The following P2RX5 variants were observed in gnomAD, a reference collection of about 807,000 sequenced individuals.
P2RX5 encodes purinergic receptor P2X 5.
A neutral mutation model predicts 54.1 loss-of-function variants in P2RX5; 46 were observed. The observed-to-expected ratio is 0.85, with a 90% CI of 0.67 to 1.09. The LOEUF (loss-of-function observed/expected upper bound fraction) is 1.09. Among genes scored for constraint, P2RX5 ranks in the 50% least tolerant of loss-of-function variants. The pLI is 0.00. For synonymous variants in P2RX5, 226 were observed against 226.4 expected, an observed-to-expected ratio of 1.00 and a Z score of 0.02; for missense variants, 566 against 549.8, an observed-to-expected ratio of 1.03 and a Z score of -0.29.
Position 3,688,042 on chromosome 17 carries a change from C to G in P2RX5, c.951G>C (p.Gly317=), listed in dbSNP as rs760969097. The G allele has an allele frequency of 1.2e-6, 2 of 1,602,678 alleles. No homozygotes were observed. Among genetic ancestry groups the G allele is most frequent in the Non-Finnish European group, 1.7e-6 (2 of 1,174,916 alleles). The stretch of plus-strand genomic sequence containing the variant: ...CGTTCACCATCACGTCAAAGCGGAT[C>G]CCGTAGGCTTTCATCAGGGTGCGGA... ...VEFRTLMKAY[G]IRFDVMVNGK... Residue 317 remains glycine, a synonymous_variant, in exon 9 of 12, where the codon GGG becomes GGC. Transcript: ENST00000225328.
the P2RX5 span, chr17:3,716,553 A>G: frequency 1.5e-6 from 1 of 653,570 alleles, no homozygotes; most frequent in Non-Finnish European, 2.8e-6. Flanking sequence ...GGGGGTGTGC[A>G]GTTGAAGGAG....
chr17:3,679,486 A>C, intron 11 of P2RX5, 104 bp downstream of exon 11: 1 of 1,018,148 alleles, frequency 9.8e-7, no homozygotes, highest in African/African-American at 1.6e-5. Context: ...AGCTCACACC[A>C]GAGCAGAGGG....
the P2RX5 span, among the ~76,000 whole-genome samples, chr17:3,706,201 C>T: frequency 6.6e-6 from 1 of 152,078 alleles, no homozygotes; most frequent in Non-Finnish European, 1.5e-5. Context: ...GATCTGCCTG[C>T]CTCAGCCTCC....
Position 3,688,727 on chromosome 17 carries a change from G to T in P2RX5, c.786C>A (p.Asn262Lys). The change falls in exon 8 of 12, where the codon AAC becomes AAA. Residue 262 changes from asparagine (N) to lysine (K), a missense_variant. Physicochemically the swap from Asn to Lys is moderately conservative, Grantham distance 94. Coordinates refer to ENST00000225328, the MANE Select transcript of P2RX5 (RefSeq NM_002561.4). ...CAGAGGCAGCTTTATCAAGATCACA[G>T]TTCCATTCAATATTAATTCCTATCA... Reference protein sequence around the residue: ...GGVIGINIEWNCDLDKAASEC... With the variant: ...GGVIGINIEWKCDLDKAASEC... 1 of 1,613,918 alleles carries T rather than the reference G, an allele frequency of 6.2e-7. No individual in the cohort carries two copies. Among genetic ancestry groups the T allele is most frequent in the Non-Finnish European group, 8.5e-7 (1 of 1,179,820 alleles).
chr17:3,684,466 T>C (rs917930473), intron 9 of P2RX5, among the ~76,000 whole-genome samples: 1 of 151,926 alleles, frequency 6.6e-6, no homozygotes, highest in Non-Finnish European at 1.5e-5. Flanking sequence ...TAGCCACAGG[T>C]GGTGGTGCAC....
the P2RX5 span, among the ~76,000 whole-genome samples, chr17:3,702,081 G>A: frequency 6.6e-6 from 1 of 152,102 alleles, no homozygotes; most frequent in Admixed American, 6.6e-5. Context: ...TTCCTGGGTC[G>A]AGTGAAGACT....
At chr17:3,680,147 G>C (rs1433969949) in intron 10 of P2RX5, among the ~76,000 whole-genome samples, 1 of 57,042 alleles carries the variant, frequency 1.8e-5, no homozygotes, top group Non-Finnish European at 3.3e-5. Context: ...TCCACCCTGA[G>C]TCCTCCATCC....
At chr17:3,699,094 C>CACACA (rs57191097), upstream of P2RX5, among the ~76,000 whole-genome samples, 292 of 106,980 alleles carry the variant, frequency 2.7e-3, 1 homozygote, top group South Asian at 7.3e-3. Context: ...CACACACACA[C>CACACA]CTATATATAT....
intron 9 of P2RX5, among the ~76,000 whole-genome samples, chr17:3,684,684 C>T (rs1427679371): frequency 6.6e-6 from 1 of 152,140 alleles, no homozygotes; most frequent in African/African-American, 2.4e-5. Context: ...CAAACAAAAA[C>T]CTCCTACGAC....
rs2050294971 is a variant in P2RX5 at position 3,681,903 on chromosome 17, C to T, written c.1057G>A (p.Glu353Lys). Residue 353 changes from glutamate to lysine, a missense_variant, in exon 10 of 12, where the codon GAA (glutamate) becomes AAA (lysine). Physicochemically the swap from Glu to Lys is moderately conservative, Grantham distance 56 (BLOSUM62 1). Coordinates refer to ENST00000225328, the MANE Select transcript of P2RX5 (RefSeq NM_002561.4). ...REFYRDKKYEEVRGLEDSSQE... is the reference protein window; with the variant it reads ...REFYRDKKYEKVRGLEDSSQE... ...CCTGGAAGCGGAACTGACCTCACTT[C>T]CTCGTACTTCTTGTCACGGTAAAAC... The T allele has an allele frequency of 4.3e-6, 7 of 1,612,358 alleles. No homozygotes were observed. The highest frequency in any genetic ancestry group is 1.7e-4 in the Middle Eastern group (1 of 6,038).
At chr17:3,699,760 G>A (rs191993776), upstream of P2RX5, among the ~76,000 whole-genome samples, 9 of 150,128 alleles carry the variant, frequency 6.0e-5, no homozygotes, top group South Asian at 6.4e-4. Context: ...AGCCAAGATC[G>A]CGCCACTGCA....
chr17:3,688,146 G>A (rs1597263453), intron 8 of P2RX5, 41 bp from the exon 9 acceptor site: 1 of 1,121,146 alleles, frequency 8.9e-7, no homozygotes, highest in South Asian at 1.3e-5. Context: ...AGCCTGCCTG[G>A]CCTTCCCTCT....
the P2RX5 span, among the ~76,000 whole-genome samples, chr17:3,709,086 G>A: frequency 9.1e-4 from 139 of 152,188 alleles, no homozygotes; most frequent in African/African-American, 3.0e-3. Context: ...CAAGGAGGTG[G>A]GATTACAGGC....
chr17:3,675,709 T>C, intron 11 of P2RX5: 1 of 600,316 alleles, frequency 1.7e-6, no homozygotes, highest in Non-Finnish European at 2.1e-6. Flanking sequence ...GTGGACACCA[T>C]GCCCGGCTAA....
At chr17:3,679,858 C>T (rs2050190538) in intron 10 of P2RX5, 74 bp from the exon 11 acceptor site, 5 of 1,318,290 alleles carry the variant, frequency 3.8e-6, no homozygotes, top group African/African-American at 1.4e-5. Flanking sequence ...CGGAGTGGGC[C>T]TTGAAGAATC....
intron 1 of P2RX5, among the ~76,000 whole-genome samples, chr17:3,695,591 G>C (rs553877590): frequency 1.3e-5 from 2 of 152,296 alleles, no homozygotes; most frequent in South Asian, 2.1e-4. Context: ...GGGAGAAGCA[G>C]CTGCAGGGAA....
chr17:3,675,634 C>T, intron 11 of P2RX5: 2 of 880,852 alleles, frequency 2.3e-6, no homozygotes, highest in Non-Finnish European at 1.4e-6. Context: ...TCACTGCAAC[C>T]TCTGCCTCCC....
At chr17:3,690,345 T>A in intron 5 of P2RX5, 82 bp downstream of exon 5, 1 of 1,215,540 alleles carries the variant, frequency 8.2e-7, no homozygotes, top group Non-Finnish European at 1.2e-6. Context: ...GCTCCCAGAG[T>A]GGGCAGGACT....
intron 10 of P2RX5, 45 bp from the exon 11 acceptor site, chr17:3,679,829 GCCTC>G: frequency 6.5e-7 from 1 of 1,545,450 alleles, no homozygotes; most frequent in Non-Finnish European, 8.9e-7. Context: ...CCTGCAGGGT[GCCTC>G]CCCTCCTAGA....
Sources: allele counts gnomAD v4.1 joint callset (sites outside exome capture counted in the v4.1 genomes callset), GRCh38; gene constraint gnomAD v4.1.1; transcripts MANE v1.5; gene names NCBI Gene and HGNC (gene_info 2026-07-23, HGNC 2026-07-21).